The following DNAI1 variants were observed in gnomAD, a reference collection of about 807,000 sequenced individuals.
DNAI1 encodes dynein axonemal intermediate chain 1.
Under a neutral mutation model 92.0 loss-of-function variants are expected in DNAI1, and 67 were observed. That is an observed-to-expected ratio of 0.73 (90% CI 0.60 to 0.89). The LOEUF (loss-of-function observed/expected upper bound fraction) is 0.89, where lower values mean the gene tolerates loss of function less well. DNAI1 is among the 40% of genes least tolerant of loss of function. The probability of loss-of-function intolerance (pLI) is 0.00; values close to 1 mark genes in which losing one functional copy is unlikely to be tolerated. For synonymous variants in DNAI1, 323 were observed against 319.6 expected (o/e 1.01, Z -0.11); for missense variants, 839 against 866.6 (o/e 0.97, Z 0.40).
At chr9:34,475,218 G>C (rs1824215311) in intron 1 of DNAI1, among the ~76,000 whole-genome samples, 1 of 152,208 alleles carries the variant, frequency 6.6e-6, no homozygotes, top group Non-Finnish European at 1.5e-5. Context: ...GAAACGGCAA[G>C]CTGGTGAGGT....
Position 34,517,320 on chromosome 9 carries a change from G to C in DNAI1, c.1854G>C (p.Glu618Asp), listed in dbSNP as rs572999533. Residue 618 changes from glutamate (E) to aspartate (D), a missense_variant, in exon 19 of 20, where the codon GAG becomes GAC. Coordinates refer to ENST00000242317, the MANE Select transcript of DNAI1 (RefSeq NM_012144.4). The part of the protein sequence containing the change: ...HIFDLAINKY[E>D]AICNQPVAAK... Reference sequence around the variant, plus strand: ...TTGACTTAGCCATCAACAAGTATGAGGCCATCTGCAACCAGCCTGTGGCGG... The same window carrying C: ...TTGACTTAGCCATCAACAAGTATGACGCCATCTGCAACCAGCCTGTGGCGG... 1.1e-5 allele frequency: 17 copies of C among 1,613,880 alleles called. No homozygotes were observed. In the African/African-American group the frequency reaches 2.1e-4, roughly 20 times the overall value.
rs1182075090 is a variant in DNAI1 at position 34,492,495 on chromosome 9, T to TAGATATAGATATAGATATAG, written c.682-698_682-697insGATATAGATATAGATATAGA. 4.1e-3 allele frequency among the ~76,000 whole-genome samples: 78 copies of TAGATATAGATATAGATATAG among 19,040 alleles called. 3 individuals carry two copies. The highest frequency in any genetic ancestry group is 0.011 in the African/African-American group (71 of 6,528). 12.5% of individuals were successfully genotyped at this position (19,040 alleles called of 152,430 possible). A position where few individuals can be genotyped will look rare whatever the true frequency, so the allele number is the denominator to read the frequency against. ...CGGGGTGGGGGTGGGGATATGAAGA[T>TAGATATAGATATAGATATAG]ATATATATATATATATATATATATA... On this transcript the variant is annotated intron_variant, in intron 8 of 19. Coordinates refer to ENST00000242317, the MANE Select transcript of DNAI1 (RefSeq NM_012144.4).
Position 34,483,004 on chromosome 9 carries a change from C to T in DNAI1, c.49-444C>T, listed in dbSNP as rs375104913. On this transcript the variant is annotated intron_variant, in intron 1 of 19. Coordinates refer to ENST00000242317, the MANE Select transcript of DNAI1 (RefSeq NM_012144.4). ...AGTACACCCTCCGCAGCCACTGGCC[C>T]GGGTGCTAAGTCCCCCATTGCCCGG... 1.8e-4 allele frequency among the ~76,000 whole-genome samples: 28 copies of T among 152,242 alleles called. No homozygotes were observed. The East Asian group carries it at 4.1e-3, about 22-fold the overall frequency.
intron 1 of DNAI1, among the ~76,000 whole-genome samples, chr9:34,475,878 T>A (rs1273705351): frequency 6.6e-6 from 1 of 152,164 alleles, no homozygotes; most frequent in East Asian, 1.9e-4. Context: ...GAATTTTTTA[T>A]CTCCTTATTT....
rs1266767011 is a variant in DNAI1, at chr9:34,485,519, T to G, written c.261+2T>G. The G allele has an allele frequency of 6.2e-7, 1 of 1,613,954 alleles. No individual in the cohort carries two copies. The highest frequency in any genetic ancestry group is 1.3e-5 in the African/African-American group (1 of 74,928). ...AACATTGTCAGGTACAGCTTCAAAG[T>G]AAGTCATCCCCTCCTGGGCAGGGGC... is the stretch of plus-strand genomic sequence containing the variant. On this transcript the variant is annotated splice_donor_variant, in intron 4 of 19. Coordinates refer to ENST00000242317, the MANE Select transcript of DNAI1 (RefSeq NM_012144.4). LOFTEE classifies it high-confidence loss of function.
At chr9:34,495,556 A>T (rs1824704946) in intron 9 of DNAI1, among the ~76,000 whole-genome samples, 1 of 152,174 alleles carries the variant, frequency 6.6e-6, no homozygotes, top group African/African-American at 2.4e-5. Flanking sequence ...TGATCAATAA[A>T]TGGTAGCTAT....
chr9:34,513,161 A>G lies in DNAI1; in HGVS notation c.1539A>G (p.Leu513=). ...ACAAAGAGATTGACTACATGTTCCTAGTGGGCACAGAGGAGGGAAAAATCT... is the reference window on the plus strand; with the variant it reads ...ACAAAGAGATTGACTACATGTTCCTGGTGGGCACAGAGGAGGGAAAAATCT... ...DFHKEIDYMF[L]VGTEEGKIYK... is the part of the protein sequence containing the mutation. Residue 513 remains leucine, a synonymous_variant, in exon 16 of 20, where the codon CTA becomes CTG. Coordinates refer to ENST00000242317, the MANE Select transcript of DNAI1 (RefSeq NM_012144.4). 6.2e-7 allele frequency: 1 copy of G among 1,614,144 alleles called. No homozygotes were observed. The highest frequency in any genetic ancestry group is 1.1e-5 in the South Asian group (1 of 91,080).
chr9:34,500,650 A>T, intron 10 of DNAI1, 72 bp from the exon 11 acceptor site: 1 of 1,005,562 alleles, frequency 9.9e-7, no homozygotes, highest in South Asian at 1.3e-5. Flanking sequence ...GGAGGTACAG[A>T]CAGTAAGTGG....
intron 4 of DNAI1, among the ~76,000 whole-genome samples, chr9:34,486,497 C>T (rs1311174009): frequency 6.6e-6 from 1 of 151,698 alleles, no homozygotes; most frequent in East Asian, 1.9e-4. Context: ...ATAATAGAAA[C>T]CTATGGTACA....
At chr9:34,465,839 G>A (rs1287086424) in intron 1 of DNAI1, among the ~76,000 whole-genome samples, 1 of 152,246 alleles carries the variant, frequency 6.6e-6, no homozygotes, top group African/African-American at 2.4e-5. Context: ...AATCTTTGCA[G>A]TCACTGAGCA....
At chr9:34,468,244 C>T (rs533349814) in intron 1 of DNAI1, among the ~76,000 whole-genome samples, 11 of 151,622 alleles carry the variant, frequency 7.3e-5, no homozygotes, top group African/African-American at 2.2e-4. Flanking sequence ...TGCAGTGGCG[C>T]GATCTCGGCT....
chr9:34,520,644 T>C lies in DNAI1; in HGVS notation c.2002-14T>C. The C allele has an allele frequency of 6.4e-7, 1 of 1,550,996 alleles. No homozygotes were observed. Among genetic ancestry groups the C allele is most frequent in the South Asian group, 1.2e-5 (1 of 84,022 alleles). ...CCACCATTCCTCCCTCATGTATACTTTCCCTCTCCCCAGGAAAAGAAGGGG... is the reference window on the plus strand; with the variant it reads ...CCACCATTCCTCCCTCATGTATACTCTCCCTCTCCCCAGGAAAAGAAGGGG... On this transcript the variant is annotated splice_polypyrimidine_tract_variant and intron_variant, in intron 19 of 19. Transcript: ENST00000242317.
chr9:34,501,213 A>G, intron 12 of DNAI1, 32 bp downstream of exon 12: 1 of 1,560,834 alleles, frequency 6.4e-7, no homozygotes. Flanking sequence ...TTATTTGCTC[A>G]TGTAAACAGC....
chr9:34,465,943 T>C (rs1412753022), intron 1 of DNAI1, among the ~76,000 whole-genome samples: 1 of 152,254 alleles, frequency 6.6e-6, no homozygotes, highest in East Asian at 1.9e-4. Context: ...GTCCTACTCA[T>C]AGAGTCACTG....
intron 12 of DNAI1, 65 bp from the exon 13 acceptor site, chr9:34,506,562 G>T (rs964056102): frequency 6.2e-6 from 10 of 1,609,966 alleles, no homozygotes; most frequent in Non-Finnish European, 8.5e-6. Flanking sequence ...GGGTAGGGGT[G>T]AGGGGGCTTC....
chr9:34,486,241 A>G (rs1008240680), intron 4 of DNAI1, among the ~76,000 whole-genome samples: 1 of 152,168 alleles, frequency 6.6e-6, no homozygotes, highest in Non-Finnish European at 1.5e-5. Context: ...ACTGTGTGCC[A>G]GTGTCAGGTC....
Position 34,517,557 on chromosome 9 carries a change from A to G in DNAI1, c.2001+90A>G, listed in dbSNP as rs919501099. The stretch of plus-strand genomic sequence containing the variant: ...AAGGGAGAAGCCAGGGTGACCACCC[A>G]GTTTCTGATGTGGGAGACCCAGGGT... On this transcript the variant is annotated intron_variant, in intron 19 of 19. Coordinates refer to ENST00000242317, the MANE Select transcript of DNAI1 (RefSeq NM_012144.4). The G allele has an allele frequency of 6.1e-6, 9 of 1,478,498 alleles. No homozygotes were observed. In the African/African-American group the frequency reaches 1.1e-4, roughly 18 times the overall value. 91.6% of individuals were successfully genotyped at this position (1,478,498 alleles called of 1,614,324 possible).
chr9:34,512,176 T>A lies in DNAI1; in HGVS notation c.1379T>A (p.Ile460Asn). Residue 460 changes from isoleucine (I) to asparagine (N), a missense_variant, in exon 14 of 20, where the codon ATT (isoleucine) becomes AAT (asparagine). Physicochemically the swap from Ile to Asn is moderately radical, Grantham distance 149. Transcript: ENST00000242317. The part of the protein sequence containing the change: ...NFFSVSSDGR[I>N]VSWTLVKRKL... ...TTCTCTGTGTCATCTGACGGCAGGA[T>A]TGTGTCTTGGACTCTCGTGAAGGTG... The A allele has an allele frequency of 6.2e-7, 1 of 1,614,114 alleles. No homozygotes were observed. The highest frequency in any genetic ancestry group is 8.5e-7 in the Non-Finnish European group (1 of 1,180,016).
intron 1 of DNAI1, among the ~76,000 whole-genome samples, chr9:34,460,360 A>G (rs1823926998): frequency 6.6e-6 from 1 of 152,070 alleles, no homozygotes. Flanking sequence ...TTCCAGATTT[A>G]CCCCACTCAA....
Sources: gnomAD v4.1 joint callset for allele counts (sites outside exome capture counted in the v4.1 genomes callset) on GRCh38, gnomAD v4.1.1 for gene constraint, MANE v1.5 for transcripts, NCBI Gene and HGNC (gene_info 2026-07-23, HGNC 2026-07-21) for gene names.